The following CLTA variants were observed in gnomAD, a reference collection of about 807,000 sequenced individuals.
The protein encoded by CLTA is clathrin, light polypeptide (Lca).
A neutral mutation model predicts 26.9 loss-of-function variants in CLTA; 9 were observed. The observed-to-expected ratio is 0.33, with a 90% CI of 0.20 to 0.58. The LOEUF is 0.58. Among genes scored for constraint, CLTA ranks in the 20% least tolerant of loss-of-function variants. The probability of loss-of-function intolerance (pLI) is 0.85; values close to 1 mark genes in which losing one functional copy is unlikely to be tolerated. For synonymous variants in CLTA, 120 were observed against 115.5 expected, an observed-to-expected ratio of 1.04 and a Z score of -0.25; for missense variants, 278 against 294.2, an observed-to-expected ratio of 0.94 and a Z score of 0.40.
rs368464121 is a variant in CLTA, at chr9:36,191,036, C to T, written c.-21C>T. On this transcript the variant is annotated 5_prime_UTR_variant, in exon 1 of 5. Coordinates refer to ENST00000345519, the MANE Select transcript of CLTA (RefSeq NM_001833.4). ...TGGTTTTTGTCTCACCGTTGGTGTC[C>T]GTGCCGTTCAGTTGCCCGCCATGGC... 1.3e-6 allele frequency: 2 copies of T among 1,514,784 alleles called. No individual in the cohort carries two copies. The highest frequency in any genetic ancestry group is 2.9e-5 in the African/African-American group (2 of 69,522). The allele number at this position is 1,514,784 out of a possible 1,614,324, so 93.8% of individuals were successfully genotyped here.
chr9:36,208,493 C>T (rs1827847870), intron 4 of CLTA, among the ~76,000 whole-genome samples: 1 of 152,190 alleles, frequency 6.6e-6, no homozygotes, highest in South Asian at 2.1e-4. Context: ...CAACAGAAGC[C>T]AGGGCCAGGA....
intron 4 of CLTA, among the ~76,000 whole-genome samples, chr9:36,205,024 A>G (rs573992671): frequency 6.8e-4 from 103 of 152,300 alleles, no homozygotes; most frequent in Non-Finnish European, 1.2e-3. Flanking sequence ...AGAGGCAGGA[A>G]GCAGGTTGGG....
At position 36,199,115 on chromosome 9, in the gene CLTA, GTTTTGGTGTCTGT is replaced by G. The variant is rs1422172656; in HGVS notation, c.373+23_373+35del. The G allele has an allele frequency of 6.6e-7, 1 of 1,517,592 alleles. No homozygotes were observed. Among genetic ancestry groups the G allele is most frequent in the Admixed American group, 1.7e-5 (1 of 59,872 alleles). 94.0% of individuals were successfully genotyped at this position (1,517,592 alleles called of 1,614,324 possible). ...GCCCTTGGTAAGGAATCCCTTCTGT[GTTTTGGTGTCTGT>G]TTTCAGTGGAGTAGTTGAGCTGGAC... On this transcript the variant is annotated intron_variant, in intron 3 of 4. Coordinates refer to ENST00000345519, the MANE Select transcript of CLTA (RefSeq NM_001833.4).
rs75194509 is a variant in CLTA at position 36,193,360 on chromosome 9, T to C, written c.217+2087T>C. Among the ~76,000 whole-genome samples the C allele has an allele frequency of 6.6e-3, 1,004 of 152,046 alleles. 15 individuals are homozygous for C. The highest frequency in any genetic ancestry group is 0.022 in the African/African-American group (922 of 41,464). On this transcript the variant is annotated intron_variant, in intron 1 of 4. Transcript: ENST00000345519. ...AGATATGCTCTAGTGGTTAAGATTCTATGCTATCCTAAACTGCTTGAGTGT... is the reference window on the plus strand; with the variant it reads ...AGATATGCTCTAGTGGTTAAGATTCCATGCTATCCTAAACTGCTTGAGTGT...
intron 3 of CLTA, among the ~76,000 whole-genome samples, chr9:36,201,697 C>A (rs1827417184): frequency 6.6e-6 from 1 of 152,066 alleles, no homozygotes; most frequent in South Asian, 2.1e-4. Context: ...GAAAAGGGGG[C>A]CTTACATTTT....
At chr9:36,206,982 A>G (rs1420298256) in intron 4 of CLTA, among the ~76,000 whole-genome samples, 1 of 152,216 alleles carries the variant, frequency 6.6e-6, no homozygotes, top group African/African-American at 2.4e-5. Context: ...CTAGATGTTA[A>G]GGGGACCCGA....
intron 1 of CLTA, among the ~76,000 whole-genome samples, chr9:36,195,507 TTTG>T (rs1446176749): frequency 6.6e-6 from 1 of 152,068 alleles, no homozygotes; most frequent in Non-Finnish European, 1.5e-5. Context: ...CCACCATGAG[TTTG>T]TTTTTTTTTT....
At position 36,211,824 on chromosome 9, in the gene CLTA, G is replaced by C; in HGVS notation, c.*50G>C. On this transcript the variant is annotated 3_prime_UTR_variant, in exon 5 of 5. Transcript: ENST00000345519. ...ATCTGCAATATCTTAATCCTACTCA[G>C]TGAAGCTCTTCACAGTCATTGGATT... 6.9e-7 allele frequency: 1 copy of C among 1,449,618 alleles called. No homozygotes were observed. The highest frequency in any genetic ancestry group is 9.5e-7 in the Non-Finnish European group (1 of 1,047,734). 89.8% of individuals were successfully genotyped at this position (1,449,618 alleles called of 1,614,324 possible).
intron 1 of CLTA, among the ~76,000 whole-genome samples, chr9:36,194,488 C>A (rs1826916754): frequency 6.6e-6 from 1 of 152,202 alleles, no homozygotes; most frequent in African/African-American, 2.4e-5. Flanking sequence ...GGTACACTTT[C>A]AGATCCCAGC....
chr9:36,202,397 A>G (rs1563913422), intron 3 of CLTA, among the ~76,000 whole-genome samples: 1 of 152,178 alleles, frequency 6.6e-6, no homozygotes, highest in Non-Finnish European at 1.5e-5. Flanking sequence ...TGACACCGCT[A>G]CTGCTATCTA....
chr9:36,204,818 C>G (rs1011987434), intron 4 of CLTA, among the ~76,000 whole-genome samples: 1 of 152,212 alleles, frequency 6.6e-6, no homozygotes, highest in African/African-American at 2.4e-5. Context: ...AGCAGCTGGG[C>G]TTTAATGCCC....
chr9:36,203,094 A>G (rs527924284), intron 3 of CLTA, among the ~76,000 whole-genome samples: 1 of 152,020 alleles, frequency 6.6e-6, no homozygotes, highest in Non-Finnish European at 1.5e-5. Context: ...CGGCCTCCCA[A>G]AGTGTTGGGA....
intron 1 of CLTA, among the ~76,000 whole-genome samples, chr9:36,195,072 T>G (rs576942956): frequency 1.3e-5 from 2 of 152,348 alleles, no homozygotes; most frequent in African/African-American, 2.4e-5. Flanking sequence ...TGTACTATAT[T>G]AACCATAATG....
chr9:36,209,736 G>A lies in CLTA; in HGVS notation c.486-1867G>A, dbSNP rs531919448. On this transcript the variant is annotated intron_variant, in intron 4 of 4. Transcript: ENST00000345519. ...GCAGGTGGCAGTCCCAGGAGGTTAG[G>A]AGCCAGTGAGCAGCAGCACCTTGCA... Among the ~76,000 whole-genome samples the A allele has an allele frequency of 2.0e-5, 3 of 152,280 alleles. No individual in the cohort carries two copies. In the South Asian group the frequency reaches 6.2e-4, roughly 32 times the overall value.
chr9:36,202,818 CTTTTT>C (rs60289579), intron 3 of CLTA, among the ~76,000 whole-genome samples: 1 of 143,066 alleles, frequency 7.0e-6, no homozygotes, highest in East Asian at 2.0e-4. Context: ...ACATGTATTT[CTTTTT>C]TTTTTTTTTC....
At position 36,211,637 on chromosome 9, in the gene CLTA, G is replaced by A. The variant is rs141872889; in HGVS notation, c.520G>A (p.Glu174Lys). The A allele has an allele frequency of 8.7e-6, 14 of 1,613,682 alleles. No individual in the cohort carries two copies. The highest frequency in any genetic ancestry group is 2.7e-5 in the African/African-American group (2 of 75,020). The change falls in exon 5 of 5, where the codon GAG becomes AAG. Residue 174 changes from glutamate (E) to lysine (K), a missense_variant. Coordinates refer to ENST00000345519, the MANE Select transcript of CLTA (RefSeq NM_001833.4). ...AEEAFVNDID[E>K]SSPGTEWERV... ...AGAAGCCTTTGTAAATGACATTGAC[G>A]AGTCGTCCCCAGGCACTGAGTGGGA... is the stretch of plus-strand genomic sequence containing the variant.
intron 2 of CLTA, 41 bp from the exon 3 acceptor site, chr9:36,198,938 A>G (rs753487559): frequency 1.9e-5 from 27 of 1,400,714 alleles, no homozygotes; most frequent in South Asian, 9.3e-5. Flanking sequence ...TTAGGAAGGA[A>G]TTTTTGGTAT....
intron 4 of CLTA, chr9:36,210,626 A>C: frequency 6.2e-7 from 1 of 1,614,168 alleles, no homozygotes; most frequent in South Asian, 1.1e-5. Flanking sequence ...ACCTTTAAGC[A>C]CAAACATAAA....
At position 36,204,075 on chromosome 9, in the gene CLTA, T is replaced by A. The variant is rs1204308457; in HGVS notation, c.381T>A (p.Asn127Lys). 2 of 1,614,078 alleles carry A rather than the reference T, an allele frequency of 1.2e-6. No individual in the cohort carries two copies. Among genetic ancestry groups the A allele is most frequent in the Non-Finnish European group, 1.7e-6 (2 of 1,179,942 alleles). Reference protein sequence around the residue: ...QMERLEALDANSRKQEAEWKE... With the variant: ...QMERLEALDAKSRKQEAEWKE... ...TCTTCTCTCCCTTCAAAGATGCCAA[T>A]TCTCGGAAGCAAGAAGCAGAGTGGA... The change falls in exon 4 of 5, where the codon AAT becomes AAA. Residue 127 changes from asparagine (N) to lysine (K), a missense_variant. Transcript: ENST00000345519.
Sources: gnomAD v4.1 joint callset for allele counts (sites outside exome capture counted in the v4.1 genomes callset) on GRCh38, gnomAD v4.1.1 for gene constraint, MANE v1.5 for transcripts, NCBI Gene and HGNC (gene_info 2026-07-23, HGNC 2026-07-21) for gene names.